The following VSIG10 variants were observed in gnomAD, a reference collection of about 807,000 sequenced individuals.
VSIG10 encodes the protein V-set and immunoglobulin domain containing 10.
In VSIG10, 48 loss-of-function variants were observed where a neutral mutation model predicts 58.7. The observed-to-expected ratio is 0.82, with a 90% CI of 0.65 to 1.04. The LOEUF (loss-of-function observed/expected upper bound fraction) is 1.04. VSIG10 is among the 50% of genes least tolerant of loss of function. VSIG10 has a pLI of 0.00. For missense variants in VSIG10, 628 were observed against 670.0 expected (o/e 0.94, Z 0.69); for synonymous variants, 260 against 267.1 (o/e 0.97, Z 0.26).
chr12:118,070,527 AAGAG>A (rs953284675), intron 7 of VSIG10, among the ~76,000 whole-genome samples: 1 of 146,380 alleles, frequency 6.8e-6, no homozygotes, highest in Non-Finnish European at 1.5e-5. Context: ...CAGCCTGAGC[AAGAG>A]AGAGAGATTC....
intron 3 of VSIG10, among the ~76,000 whole-genome samples, chr12:118,079,837 C>G (rs59333591): frequency 0.3 from 38,100 of 127,608 alleles, 5,986 homozygotes; most frequent in African/African-American, 0.52. Flanking sequence ...TTCTTTCTTT[C>G]TTTCTTTGTT....
intron 4 of VSIG10, among the ~76,000 whole-genome samples, chr12:118,077,643 C>T (rs2032781392): frequency 6.6e-6 from 1 of 152,118 alleles, no homozygotes; most frequent in Non-Finnish European, 1.5e-5. Flanking sequence ...GAAGGGATCC[C>T]ATGTAACTCC....
intron 2 of VSIG10, among the ~76,000 whole-genome samples, chr12:118,083,114 CAAAAAAAAAAAAAAAAAAAA>C (rs61523301): frequency 9.1e-5 from 5 of 55,002 alleles, no homozygotes; most frequent in Admixed American, 8.3e-4. Context: ...CTCCGTCTCA[CAAAAAAAAAAAAAAAAAAAA>C]AAAAAAAAAA....
rs1346286683 is a variant in VSIG10 at position 118,071,340 on chromosome 12, G to A, written c.1330+19C>T. 1.2e-6 allele frequency: 2 copies of A among 1,606,696 alleles called. No individual in the cohort carries two copies. Among genetic ancestry groups the A allele is most frequent in the African/African-American group, 1.3e-5 (1 of 74,534 alleles). ...TCAAAAGTCTGGAAGAGAAGCTAAA[G>A]GACCCAGGGAGTCCTTACCTTTCCA... is the stretch of plus-strand genomic sequence containing the variant. On this transcript the variant is annotated intron_variant, in intron 6 of 8. Coordinates refer to ENST00000359236, the MANE Select transcript of VSIG10 (RefSeq NM_019086.6).
chr12:118,070,990 C>A (rs1328192507), intron 7 of VSIG10, 62 bp downstream of exon 7: 3 of 1,574,200 alleles, frequency 1.9e-6, no homozygotes, highest in African/African-American at 1.3e-5. Flanking sequence ...AGGAAGGGAA[C>A]AAAACAGAAG....
chr12:118,073,649 G>A, intron 5 of VSIG10, 50 bp downstream of exon 5: 1 of 1,543,184 alleles, frequency 6.5e-7, no homozygotes, highest in Non-Finnish European at 8.8e-7. Context: ...GATGCTGGGT[G>A]CTCTGAAGCT....
intron 2 of VSIG10, among the ~76,000 whole-genome samples, chr12:118,087,028 G>T (rs891096107): frequency 6.0e-5 from 9 of 150,956 alleles, no homozygotes; most frequent in Non-Finnish European, 1.0e-4. Flanking sequence ...CTCCCAAAGC[G>T]CTGGGATTAC....
chr12:118,066,367 C>A lies in VSIG10; in HGVS notation c.*272G>T. On this transcript the variant is annotated 3_prime_UTR_variant, in exon 9 of 9. Transcript: ENST00000359236. ...GATCAACCTGGATAAAGCCAGGATT[C>A]ACAGCAGAAGTGGCACCTCAGACAC... 1 of 461,576 alleles carries A rather than the reference C, an allele frequency of 2.2e-6. No individual in the cohort carries two copies. Among genetic ancestry groups the A allele is most frequent in the Non-Finnish European group, 4.0e-6 (1 of 250,700 alleles). The allele number at this position is 461,576 out of a possible 1,614,324, so 28.6% of individuals were successfully genotyped here.
At position 118,066,508 on chromosome 12, in the gene VSIG10, G is replaced by A. The variant is rs536500016; in HGVS notation, c.*131C>T. The A allele has an allele frequency of 1.9e-5, 17 of 917,364 alleles. No individual in the cohort carries two copies. The highest frequency in any genetic ancestry group is 1.5e-4 in the East Asian group (6 of 40,680). 56.8% of individuals were successfully genotyped at this position (917,364 alleles called of 1,614,324 possible). A position where few individuals can be genotyped will look rare whatever the true frequency, so the allele number is the denominator to read the frequency against. ...ATGTGTGTGCTTGGTTTTGTTTTTT[G>A]CTGAGACCCAAACATTGTTAGTGCA... On this transcript the variant is annotated 3_prime_UTR_variant, in exon 9 of 9. Transcript: ENST00000359236.
chr12:118,095,852 A>C, intron 1 of VSIG10, 38 bp from the exon 2 acceptor site: 1 of 1,566,490 alleles, frequency 6.4e-7, no homozygotes. Flanking sequence ...TACCCTTCTT[A>C]ATTTCTAAAC....
chr12:118,072,205 C>A (rs1323339518), intron 5 of VSIG10, among the ~76,000 whole-genome samples: 1 of 151,684 alleles, frequency 6.6e-6, no homozygotes, highest in Non-Finnish European at 1.5e-5. Flanking sequence ...GTGGCTCACG[C>A]CTGTAATCCC....
chr12:118,103,151 A>C (rs550764953), intron 1 of VSIG10: 1 of 154,852 alleles, frequency 6.5e-6, no homozygotes, highest in South Asian at 2.0e-4. Context: ...CACCGGTTAC[A>C]GGTGTAAGGC....
intron 2 of VSIG10, among the ~76,000 whole-genome samples, chr12:118,083,000 C>T (rs1457733564): frequency 1.3e-5 from 2 of 151,192 alleles, no homozygotes; most frequent in African/African-American, 2.4e-5. Flanking sequence ...GTAATCCCAG[C>T]TACTAGGGAG....
rs1566158231 is a variant in VSIG10 at position 118,073,895 on chromosome 12, C to G, written c.1023G>C (p.Lys341Asn). The G allele has an allele frequency of 2.5e-6, 4 of 1,613,768 alleles. No homozygotes were observed. The African/African-American group carries it at 4.0e-5, about 16-fold the overall frequency. ...GGGTAAGGTTCCTCAGCCACAGGATCTTGGCAGGGGGGTAGGCCCCAGACA... is the reference window on the plus strand; with the variant it reads ...GGGTAAGGTTCCTCAGCCACAGGATGTTGGCAGGGGGGTAGGCCCCAGACA... ...CQVSGAYPPA[K>N]ILWLRNLTQP... The change falls in exon 5 of 9, where the codon AAG becomes AAC. Residue 341 changes from lysine (K) to asparagine (N), a missense_variant. By Grantham distance (94) the Lys-to-Asn change is moderately conservative. Coordinates refer to ENST00000359236, the MANE Select transcript of VSIG10 (RefSeq NM_019086.6).
rs753900873 is a variant in VSIG10 at position 118,095,553 on chromosome 12, T to A, written c.341A>T (p.Gln114Leu). ...QEILNVTQWF[Q>L]VWLQVASGPY... ...CTTACTGGCCACCTGCAGCCACACT[T>A]GGAACCACTGAGTCACATTCAGGAT... The change falls in exon 2 of 9, where the codon CAA becomes CTA. Residue 114 changes from glutamine (Q) to leucine (L), a missense_variant. Physicochemically the swap from Gln to Leu is moderately radical, Grantham distance 113. Coordinates refer to ENST00000359236, the MANE Select transcript of VSIG10 (RefSeq NM_019086.6). The A allele has an allele frequency of 3.6e-5, 58 of 1,613,802 alleles. No homozygotes were observed. Among genetic ancestry groups the A allele is most frequent in the Non-Finnish European group, 4.8e-5 (57 of 1,179,868 alleles).
chr12:118,066,534 A>G lies in VSIG10; in HGVS notation c.*105T>C. ...CTGAGACCCAAACATTGTTAGTGCA[A>G]GCCCCCGCCAGGGGTGCAGGTGGAG... On this transcript the variant is annotated 3_prime_UTR_variant, in exon 9 of 9. Transcript: ENST00000359236. 1 of 1,275,842 alleles carries G rather than the reference A, an allele frequency of 7.8e-7. No individual in the cohort carries two copies. The highest frequency in any genetic ancestry group is 1.1e-6 in the Non-Finnish European group (1 of 875,342). 79.0% of individuals were successfully genotyped at this position (1,275,842 alleles called of 1,614,324 possible).
At position 118,068,543 on chromosome 12, in the gene VSIG10, C is replaced by CTCCTCT. The variant is rs754176249; in HGVS notation, c.1395_1400dup (p.Glu473_Glu474dup). The CTCCTCT allele has an allele frequency of 2.7e-6, 4 of 1,488,900 alleles. No homozygotes were observed. The African/African-American group carries it at 4.6e-5, about 17-fold the overall frequency. 92.2% of individuals were successfully genotyped at this position (1,488,900 alleles called of 1,614,324 possible). On this transcript the variant is annotated inframe_insertion, in exon 8 of 9. Transcript: ENST00000359236. ...CATCTTCCTCCTCCTCCTCCTCCTCCTCCTCTTCCTCTTCTGAATCCACCA... is the reference window on the plus strand; with the variant it reads ...CATCTTCCTCCTCCTCCTCCTCCTCCTCCTCTTCCTCTTCCTCTTCTGAATCCACCA...
chr12:118,092,972 T>C (rs12815124), intron 2 of VSIG10, among the ~76,000 whole-genome samples: 28,544 of 151,742 alleles, frequency 0.19, 3,378 homozygotes, highest in Middle Eastern at 0.32. Context: ...TCCTTTTTTT[T>C]CCAACCATTT....
chr12:118,103,304 C>G (rs187903949), intron 1 of VSIG10: 65 of 354,806 alleles, frequency 1.8e-4, no homozygotes, highest in Admixed American at 8.5e-4. Flanking sequence ...GCACACGTGC[C>G]TCTTTACTTT....
Sources: allele counts gnomAD v4.1 joint callset (sites outside exome capture counted in the v4.1 genomes callset), GRCh38; gene constraint gnomAD v4.1.1; transcripts MANE v1.5; gene names NCBI Gene and HGNC (gene_info 2026-07-23, HGNC 2026-07-21).